Variants in SLC14A2 observed in about 807,000 individuals in gnomAD.
SLC14A2 encodes urea transporter 2.
SLC14A2 carries 91 observed loss-of-function variants against 104.6 expected under a neutral mutation model. The observed-to-expected ratio is 0.87, with a 90% CI of 0.73 to 1.04. The LOEUF (loss-of-function observed/expected upper bound fraction) is 1.04, where lower values mean the gene tolerates loss of function less well. Among genes scored for constraint, SLC14A2 ranks in the 50% least tolerant of loss-of-function variants. The pLI is 0.00. For missense variants in SLC14A2, 1,189 were observed against 1,156.0 expected (o/e 1.03, Z -0.41); for synonymous variants, 476 against 466.4 (o/e 1.02, Z -0.27).
Position 45,667,893 on chromosome 18 carries a change from T to C in SLC14A2, c.1778T>C (p.Phe593Ser), listed in dbSNP as rs773716449. ...CTCCGAGGCACATCTCAAGTGATGT[T>C]TGTGAACAACCCCCTCAGCGGCATC... ...WVLRGTSQVM[F>S]VNNPLSGILI... is the part of the protein sequence containing the mutation. The change falls in exon 14 of 20, where the codon TTT becomes TCT. Residue 593 changes from phenylalanine to serine, a missense_variant. By Grantham distance (155) the Phe-to-Ser change is radical. Coordinates refer to ENST00000255226, the MANE Select transcript of SLC14A2 (RefSeq NM_007163.4). 2.5e-6 allele frequency: 4 copies of C among 1,614,108 alleles called. No homozygotes were observed. Among genetic ancestry groups the C allele is most frequent in the Non-Finnish European group, 3.4e-6 (4 of 1,179,998 alleles).
intron 10 of SLC14A2, chr18:45,647,899 A>G (rs943115555): frequency 6.6e-6 from 1 of 152,022 alleles, no homozygotes; most frequent in Admixed American, 6.5e-5. Flanking sequence ...TACCTGATTG[A>G]TTTTGGACAT....
intron 1 of SLC14A2, among the ~76,000 whole-genome samples, chr18:45,479,703 T>C (rs111374687): frequency 2.0e-5 from 3 of 152,356 alleles, no homozygotes; most frequent in African/African-American, 7.2e-5. Context: ...TTGTCTTACT[T>C]CTAAAATTGG....
At chr18:45,561,999 AT>A (rs765061362) in intron 2 of SLC14A2, among the ~76,000 whole-genome samples, 1 of 151,932 alleles carries the variant, frequency 6.6e-6, no homozygotes, top group South Asian at 2.1e-4. Flanking sequence ...TCAGGTATAT[AT>A]TTTTTTTAAG....
At chr18:45,548,115 A>G (rs771705381) in intron 2 of SLC14A2, among the ~76,000 whole-genome samples, 26 of 152,198 alleles carry the variant, frequency 1.7e-4, no homozygotes, top group Non-Finnish European at 3.1e-4. Flanking sequence ...AGTCAAAACA[A>G]GAGAATGACC....
intron 2 of SLC14A2, among the ~76,000 whole-genome samples, chr18:45,574,605 A>G (rs1274552480): frequency 6.6e-6 from 1 of 152,226 alleles, no homozygotes; most frequent in Non-Finnish European, 1.5e-5. Context: ...TTGCATACCT[A>G]GGGCACAAGT....
chr18:45,216,167 G>A (rs566051325), intron 1 of SLC14A2, among the ~76,000 whole-genome samples: 2 of 152,180 alleles, frequency 1.3e-5, no homozygotes, highest in Admixed American at 1.3e-4. Flanking sequence ...TTCCAATCAA[G>A]GCCAATTCAA....
chr18:45,642,434 G>A (rs1272953907), intron 8 of SLC14A2, among the ~76,000 whole-genome samples: 1 of 152,238 alleles, frequency 6.6e-6, no homozygotes, highest in South Asian at 2.1e-4. Context: ...GAAGCCTACA[G>A]GGGGAGGCTA....
intron 1 of SLC14A2, among the ~76,000 whole-genome samples, chr18:45,424,410 A>T (rs1248437608): frequency 6.6e-6 from 1 of 152,204 alleles, no homozygotes; most frequent in Admixed American, 6.5e-5. Flanking sequence ...TGCAAAGAAC[A>T]TGGAAGGGGG....
intron 1 of SLC14A2, among the ~76,000 whole-genome samples, chr18:45,314,002 T>C (rs1039437840): frequency 6.6e-6 from 1 of 152,216 alleles, no homozygotes; most frequent in Non-Finnish European, 1.5e-5. Flanking sequence ...TGCCCATCCG[T>C]GCAATGGCAG....
At chr18:45,247,306 C>T (rs1465574271) in intron 1 of SLC14A2, among the ~76,000 whole-genome samples, 1 of 152,180 alleles carries the variant, frequency 6.6e-6, no homozygotes, top group Admixed American at 6.5e-5. Context: ...TCCATAAACA[C>T]ATCTATTGTA....
chr18:45,362,989 C>T (rs2085628405), intron 1 of SLC14A2, among the ~76,000 whole-genome samples: 1 of 152,226 alleles, frequency 6.6e-6, no homozygotes, highest in East Asian at 1.9e-4. Context: ...TAACGAAATC[C>T]ACCAGGGCCT....
At chr18:45,302,958 G>A (rs28408641) in intron 1 of SLC14A2, among the ~76,000 whole-genome samples, 24,424 of 152,148 alleles carry the variant, frequency 0.16, 2,033 homozygotes, top group South Asian at 0.19. Flanking sequence ...AGTCTTGCAT[G>A]ACAGATGACA....
chr18:45,438,837 A>C (rs1208986075), intron 1 of SLC14A2, among the ~76,000 whole-genome samples: 1 of 152,116 alleles, frequency 6.6e-6, no homozygotes, highest in Non-Finnish European at 1.5e-5. Flanking sequence ...GCTGTGGGGG[A>C]CATACATGTA....
At chr18:45,326,589 G>T (rs2085236668) in intron 1 of SLC14A2, among the ~76,000 whole-genome samples, 1 of 152,164 alleles carries the variant, frequency 6.6e-6, no homozygotes, top group Non-Finnish European at 1.5e-5. Flanking sequence ...AGAAAGAGAG[G>T]CTAATGGAAC....
chr18:45,247,331 A>G (rs2084376478), intron 1 of SLC14A2, among the ~76,000 whole-genome samples: 1 of 152,222 alleles, frequency 6.6e-6, no homozygotes, highest in Non-Finnish European at 1.5e-5. Context: ...AAGTTATATA[A>G]GTTTGCGAGA....
intron 9 of SLC14A2, among the ~76,000 whole-genome samples, chr18:45,643,562 T>G (rs1208365992): frequency 6.6e-6 from 1 of 152,226 alleles, no homozygotes; most frequent in African/African-American, 2.4e-5. Context: ...AGACAGGGTC[T>G]CGCACTGTTG....
chr18:45,636,220 C>T lies in SLC14A2; in HGVS notation c.651-770C>T, dbSNP rs552297380. 3.3e-5 allele frequency among the ~76,000 whole-genome samples: 5 copies of T among 152,346 alleles called. No individual in the cohort carries two copies. The South Asian group carries it at 6.2e-4, about 19-fold the overall frequency. The stretch of plus-strand genomic sequence containing the variant: ...TCATTAAAAGCAGACAATTTAAACA[C>T]ATCATGCAACTTCAGGTTTTGCCCA... On this transcript the variant is annotated intron_variant, in intron 5 of 19. Coordinates refer to ENST00000255226, the MANE Select transcript of SLC14A2 (RefSeq NM_007163.4).
At chr18:45,615,466 T>G (rs1457751886), upstream of SLC14A2, 1 of 152,208 alleles carries the variant, frequency 6.6e-6, no homozygotes, top group East Asian at 1.9e-4. Flanking sequence ...GTTTGGCAAG[T>G]TCCTGCTCCA....
At chr18:45,361,736 G>GGCTTCTCC (rs1568167338) in intron 1 of SLC14A2, among the ~76,000 whole-genome samples, 1 of 152,066 alleles carries the variant, frequency 6.6e-6, no homozygotes, top group African/African-American at 2.4e-5. Context: ...TCGGCTTCTC[G>GGCTTCTCC]GCTTCTCCCT....
Sources: gnomAD v4.1 joint callset for allele counts (sites outside exome capture counted in the v4.1 genomes callset) on GRCh38, gnomAD v4.1.1 for gene constraint, MANE v1.5 for transcripts, NCBI Gene and HGNC (gene_info 2026-07-23, HGNC 2026-07-21) for gene names.